The following ADAMTS17 variants were observed in gnomAD, a reference collection of about 807,000 sequenced individuals.
ADAMTS17 encodes ADAM metallopeptidase with thrombospondin type 1 motif 17.
A neutral mutation model predicts 141.5 loss-of-function variants in ADAMTS17; 113 were observed. The observed-to-expected ratio is 0.80, with a 90% CI of 0.69 to 0.93. The LOEUF (loss-of-function observed/expected upper bound fraction) is 0.93, where lower values mean the gene tolerates loss of function less well. ADAMTS17 is among the 40% of genes least tolerant of loss of function. The pLI is 0.00. For missense variants in ADAMTS17, 1,659 were observed against 1,517.9 expected (o/e 1.09, Z -1.54); for synonymous variants, 768 against 630.6 (o/e 1.22, Z -3.27).
chr15:100,341,205 T>C lies in ADAMTS17; in HGVS notation c.284A>G (p.Gln95Arg). 6.9e-7 allele frequency: 1 copy of C among 1,457,532 alleles called. No individual in the cohort carries two copies. The highest frequency in any genetic ancestry group is 9.0e-7 in the Non-Finnish European group (1 of 1,108,322). The allele number at this position is 1,457,532 out of a possible 1,614,324, so 90.3% of individuals were successfully genotyped here. Residue 95 changes from glutamine to arginine, a missense_variant, in exon 2 of 22, where the codon CAG becomes CGG. Transcript: ENST00000268070. ...LPAFGRDLYL[Q>R]LRRDLRFLSR... is the part of the protein sequence containing the mutation. ...CAGGAAGCGCAGGTCGCGGCGCAGC[T>C]GAAGGTACAGGTCGCGCCCGAAGGC...
At chr15:100,273,600 T>G (rs1049214914) in intron 4 of ADAMTS17, among the ~76,000 whole-genome samples, 12 of 152,186 alleles carry the variant, frequency 7.9e-5, no homozygotes, top group Admixed American at 5.2e-4. Context: ...TCGATCTAGC[T>G]AAGGTTTGTC....
At position 99,993,097 on chromosome 15, in the gene ADAMTS17, C is replaced by T. The variant is rs761817157; in HGVS notation, c.2900G>A (p.Cys967Tyr). ...CTCGTAGCAGCCTGAGTAGTCCTCG[C>T]AGGCCTCCTCGGCTCTCGGCCTCGT... ...ASTRPRAEEACEDYSGCYEWK... is the reference protein window; with the variant it reads ...ASTRPRAEEAYEDYSGCYEWK... Residue 967 changes from cysteine (C) to tyrosine (Y), a missense_variant, in exon 20 of 22, where the codon TGC becomes TAC. Physicochemically the swap from Cys to Tyr is radical, Grantham distance 194 (BLOSUM62 -2). Transcript: ENST00000268070. This position sits in a 1 kb window ranked among gnomAD's most constrained non-coding sequence, Gnocchi z 4.3. 1.2e-6 allele frequency: 2 copies of T among 1,614,170 alleles called. No homozygotes were observed. Among genetic ancestry groups the T allele is most frequent in the South Asian group, 1.1e-5 (1 of 91,082 alleles).
intron 3 of ADAMTS17, among the ~76,000 whole-genome samples, chr15:100,299,942 G>C (rs1315696985): frequency 6.6e-6 from 1 of 152,230 alleles, no homozygotes; most frequent in East Asian, 1.9e-4. Flanking sequence ...CTTGTGCTGA[G>C]AAGGGCACCA....
intron 7 of ADAMTS17, among the ~76,000 whole-genome samples, chr15:100,243,005 G>C (rs1450851014): frequency 6.6e-6 from 1 of 152,100 alleles, no homozygotes; most frequent in African/African-American, 2.4e-5. Flanking sequence ...TCAGCTCCTG[G>C]CAACTGCCAT....
At chr15:100,112,842 G>T (rs752057834) in intron 13 of ADAMTS17, among the ~76,000 whole-genome samples, 1 of 152,120 alleles carries the variant, frequency 6.6e-6, no homozygotes, top group Non-Finnish European at 1.5e-5. Flanking sequence ...GGGAAGATGG[G>T]CTCAGAAGCT....
chr15:100,233,537 C>T (rs149613564), intron 7 of ADAMTS17, among the ~76,000 whole-genome samples: 170 of 152,214 alleles, frequency 1.1e-3, no homozygotes, highest in African/African-American at 3.7e-3. Flanking sequence ...TTAGTGAAAT[C>T]AGTTGTATTA....
At chr15:100,140,335 A>G (rs2038563671) in intron 10 of ADAMTS17, among the ~76,000 whole-genome samples, 1 of 152,066 alleles carries the variant, frequency 6.6e-6, no homozygotes, top group South Asian at 2.1e-4. Flanking sequence ...GCTGAAAGGC[A>G]TATAGTATTT....
intron 20 of ADAMTS17, among the ~76,000 whole-genome samples, chr15:99,977,309 C>T (rs1290933516): frequency 3.8e-5 from 5 of 131,468 alleles, no homozygotes; most frequent in African/African-American, 5.9e-5. Context: ...GGAGTGGACC[C>T]GGTTAAGACT....
intron 18 of ADAMTS17, among the ~76,000 whole-genome samples, chr15:100,017,099 G>C (rs2061306065): frequency 6.6e-6 from 1 of 152,152 alleles, no homozygotes; most frequent in Non-Finnish European, 1.5e-5. Context: ...GTACCTAGGA[G>C]GGTTATGGCT....
intron 15 of ADAMTS17, among the ~76,000 whole-genome samples, chr15:100,085,699 C>A (rs1180425861): frequency 6.6e-6 from 1 of 150,556 alleles, no homozygotes; most frequent in Non-Finnish European, 1.5e-5. Context: ...ATTCAACATT[C>A]TTAAAGAAAA....
intron 3 of ADAMTS17, among the ~76,000 whole-genome samples, chr15:100,324,322 GA>G (rs902764271): frequency 2.0e-5 from 3 of 150,980 alleles, no homozygotes; most frequent in South Asian, 2.1e-4. Context: ...TAAATAAATA[GA>G]AAAAAAAAGC....
At chr15:100,269,186 C>T (rs1331620359) in intron 4 of ADAMTS17, among the ~76,000 whole-genome samples, 2 of 152,134 alleles carry the variant, frequency 1.3e-5, no homozygotes, top group African/African-American at 4.8e-5. Flanking sequence ...TAAAAGAAAA[C>T]ATCGGAAATA....
intron 14 of ADAMTS17, among the ~76,000 whole-genome samples, chr15:100,104,947 T>C (rs904720668): frequency 5.9e-5 from 9 of 152,242 alleles, no homozygotes; most frequent in Non-Finnish European, 1.2e-4. Context: ...TAAAAGTTCA[T>C]TAACTACGAC....
At chr15:100,011,448 G>C (rs1763965444) in intron 18 of ADAMTS17, among the ~76,000 whole-genome samples, 1 of 147,190 alleles carries the variant, frequency 6.8e-6, no homozygotes, top group African/African-American at 2.5e-5. Flanking sequence ...AGGAAAAGAA[G>C]GAAGGAAGGA....
intron 7 of ADAMTS17, among the ~76,000 whole-genome samples, chr15:100,208,934 C>T (rs1194632295): frequency 6.6e-6 from 1 of 152,074 alleles, no homozygotes; most frequent in Admixed American, 6.5e-5. Context: ...ACTCGTATTT[C>T]TCGGACCATA....
intron 2 of ADAMTS17, among the ~76,000 whole-genome samples, chr15:100,333,030 A>G (rs1241490097): frequency 6.6e-6 from 1 of 152,168 alleles, no homozygotes; most frequent in Admixed American, 6.5e-5. Context: ...GCATGCCACC[A>G]GTGGTCAAAC....
chr15:100,006,688 A>G (rs1004434885), intron 18 of ADAMTS17, among the ~76,000 whole-genome samples: 1 of 152,222 alleles, frequency 6.6e-6, no homozygotes, highest in Non-Finnish European at 1.5e-5. Flanking sequence ...AATGGGCGCA[A>G]AAGAAGGCGC....
intron 15 of ADAMTS17, among the ~76,000 whole-genome samples, chr15:100,057,954 G>A (rs1261265672): frequency 6.6e-6 from 1 of 152,036 alleles, no homozygotes; most frequent in Non-Finnish European, 1.5e-5. Flanking sequence ...CTTTTTGGAG[G>A]TTGGGTTAAA....
intron 18 of ADAMTS17, among the ~76,000 whole-genome samples, chr15:100,035,313 A>G (rs557808624): frequency 1.9e-4 from 29 of 152,232 alleles, no homozygotes; most frequent in Non-Finnish European, 4.0e-4. Flanking sequence ...ACAGATGTAA[A>G]ACGTGATCAT....
Sources: allele counts gnomAD v4.1 joint callset (sites outside exome capture counted in the v4.1 genomes callset), GRCh38; gene constraint gnomAD v4.1.1; non-coding constraint Gnocchi (gnomAD v3.1); transcripts MANE v1.5; gene names NCBI Gene and HGNC (gene_info 2026-07-23, HGNC 2026-07-21).